LRRC41: variants seen among roughly 807,000 people sequenced by gnomAD.
LRRC41 encodes the protein leucine rich repeat containing 41.
LRRC41 carries 17 observed loss-of-function variants against 72.1 expected under a neutral mutation model. The observed-to-expected ratio is 0.24, with a 90% CI of 0.16 to 0.35. LRRC41 has a LOEUF of 0.35. LRRC41 is among the 10% of genes least tolerant of loss of function. LRRC41 has a pLI of 1.00. For synonymous variants in LRRC41, 427 were observed against 431.0 expected (o/e 0.99, Z 0.11); for missense variants, 759 against 1,065.0 (o/e 0.71, Z 4.00).
At chr1:46,281,426 G>A (rs753283269) in intron 4 of LRRC41, 41 bp from the exon 5 acceptor site, 4 of 1,592,914 alleles carry the variant, frequency 2.5e-6, no homozygotes, top group African/African-American at 1.3e-5. Flanking sequence ...ATGTGGGAGT[G>A]TCAGCAGGGG....
chr1:46,285,197 T>C lies in LRRC41; in HGVS notation c.1495+165A>G. 1.5e-6 allele frequency: 1 copy of C among 682,602 alleles called. No individual in the cohort carries two copies. The highest frequency in any genetic ancestry group is 2.6e-6 in the Non-Finnish European group (1 of 391,224). The allele number at this position is 682,602 out of a possible 1,614,324, so 42.3% of individuals were successfully genotyped here. ...ATCAAGTGTATAGACTTTATGTTCCTCTCTTCTAGCAATGACAGTCTCCCC... is the reference window on the plus strand; with the variant it reads ...ATCAAGTGTATAGACTTTATGTTCCCCTCTTCTAGCAATGACAGTCTCCCC... On this transcript the variant is annotated intron_variant, in intron 4 of 9. Coordinates refer to ENST00000617190, the MANE Select transcript of LRRC41 (RefSeq NM_006369.5). The surrounding 1 kb of genome is among the most constrained non-coding windows in gnomAD (Gnocchi z 5.3).
Position 46,285,988 on chromosome 1 carries a change from C to T in LRRC41, c.869G>A (p.Arg290His), listed in dbSNP as rs763153515. Reference sequence around the variant, plus strand: ...AGCACATCGCTCAGCAGCATCCCGGCGGGGCCGACGTGAGCCCAATAAGAG... The same window carrying T: ...AGCACATCGCTCAGCAGCATCCCGGTGGGGCCGACGTGAGCCCAATAAGAG... ...GSLLLGSRRP[R>H]RDAAERCAAA... is the part of the protein sequence containing the mutation. Residue 290 changes from arginine (R) to histidine (H), a missense_variant, in exon 4 of 10, where the codon CGC becomes CAC. Arg to His is a conservative substitution (Grantham distance 29). Coordinates refer to ENST00000617190, the MANE Select transcript of LRRC41 (RefSeq NM_006369.5). The surrounding 1 kb of genome is among the most constrained non-coding windows in gnomAD (Gnocchi z 5.3). 3 of 1,545,712 alleles carry T rather than the reference C, an allele frequency of 1.9e-6. No individual in the cohort carries two copies. The highest frequency in any genetic ancestry group is 1.4e-5 in the African/African-American group (1 of 72,912).
At chr1:46,297,803 T>C (rs1661153789) in intron 2 of LRRC41, among the ~76,000 whole-genome samples, 170 bp from the exon 3 acceptor site, 1 of 152,222 alleles carries the variant, frequency 6.6e-6, no homozygotes, top group South Asian at 2.1e-4. Context: ...ACACTCCAGC[T>C]ATGTGACTTT....
Position 46,278,033 on chromosome 1 carries a change from G to A in LRRC41, c.*832C>T, listed in dbSNP as rs1288515127. On this transcript the variant is annotated 3_prime_UTR_variant, in exon 10 of 10. Coordinates refer to ENST00000617190, the MANE Select transcript of LRRC41 (RefSeq NM_006369.5). ...TAAGCTACCCACACAGTAGGGAGATGGGATCTGTAGTGACTTCAGCTGTGC... is the reference window on the plus strand; with the variant it reads ...TAAGCTACCCACACAGTAGGGAGATAGGATCTGTAGTGACTTCAGCTGTGC... 1.2e-6 allele frequency: 2 copies of A among 1,614,096 alleles called. No individual in the cohort carries two copies. Among genetic ancestry groups the A allele is most frequent in the African/African-American group, 1.3e-5 (1 of 75,050 alleles).
chr1:46,285,584 CCTT>C lies in LRRC41; in HGVS notation c.1270_1272del (p.Lys424del), dbSNP rs752289585. 5.0e-6 allele frequency: 8 copies of C among 1,613,592 alleles called. No individual in the cohort carries two copies. The highest frequency in any genetic ancestry group is 2.2e-5 in the East Asian group (1 of 44,880). ...CCAATCTCCATCTCTTCGCCATCCT[CCTT>C]CTCGCCAGCCACAATAAAAACGAAG... On this transcript the variant is annotated inframe_deletion, in exon 4 of 10. Transcript: ENST00000617190. This position sits in a 1 kb window ranked among gnomAD's most constrained non-coding sequence, Gnocchi z 5.3.
rs756958095 is a variant in LRRC41 at position 46,286,053 on chromosome 1, C to A, written c.804G>T (p.Glu268Asp). The A allele has an allele frequency of 6.2e-7, 1 of 1,603,512 alleles. No individual in the cohort carries two copies. The highest frequency in any genetic ancestry group is 8.5e-7 in the Non-Finnish European group (1 of 1,173,070). Residue 268 changes from glutamate to aspartate, a missense_variant, in exon 4 of 10, where the codon GAG becomes GAT. Around this residue, in one of 4 missense-constraint regions of LRRC41, gnomAD observed 427 missense variants for 520.9 expected, o/e 0.82. Transcript: ENST00000617190. This position sits in a 1 kb window ranked among gnomAD's most constrained non-coding sequence, Gnocchi z 5.5. ...PGGPPCRLCG[E>D]ASRGRAPSRD... ...GGGATGGGGCCCGGCCTCGGGAGGC[C>A]TCTCCACAGAGGCGGCAGGGTGGGC...
At position 46,278,053 on chromosome 1, in the gene LRRC41, C is replaced by A. The variant is rs2148308522; in HGVS notation, c.*812G>T. On this transcript the variant is annotated 3_prime_UTR_variant, in exon 10 of 10. Coordinates refer to ENST00000617190, the MANE Select transcript of LRRC41 (RefSeq NM_006369.5). ...GAGATGGGATCTGTAGTGACTTCAG[C>A]TGTGCCTTCTGTCCCTAGGTTGCAC... 1 of 1,614,110 alleles carries A rather than the reference C, an allele frequency of 6.2e-7. No individual in the cohort carries two copies. Among genetic ancestry groups the A allele is most frequent in the Non-Finnish European group, 8.5e-7 (1 of 1,179,954 alleles).
At position 46,285,521 on chromosome 1, in the gene LRRC41, T is replaced by TG. The variant is rs780513962; in HGVS notation, c.1335dup (p.Ser446GlnfsTer58). The TG allele has an allele frequency of 6.2e-7, 1 of 1,614,122 alleles. No individual in the cohort carries two copies. Among genetic ancestry groups the TG allele is most frequent in the Non-Finnish European group, 8.5e-7 (1 of 1,180,022 alleles). On this transcript the variant is annotated frameshift_variant, in exon 4 of 10. Transcript: ENST00000617190. LOFTEE classifies it high-confidence loss of function. The surrounding 1 kb of genome is among the most constrained non-coding windows in gnomAD (Gnocchi z 5.3). Reference sequence around the variant, plus strand: ...TCCAGTGCTGGAAGCCCCAGGCAGCTGGGATCTGATCCATCCAAAGCTCCA... The same window carrying TG: ...TCCAGTGCTGGAAGCCCCAGGCAGCTGGGGATCTGATCCATCCAAAGCTCCA...
At position 46,285,314 on chromosome 1, in the gene LRRC41, T is replaced by G. The variant is rs1660862631; in HGVS notation, c.1495+48A>C. ...TCCCTAGAATTAGGCACACAGCTGG[T>G]GCTGCTAGGCAATCTAAGCCCAATC... On this transcript the variant is annotated intron_variant, in intron 4 of 9. Coordinates refer to ENST00000617190, the MANE Select transcript of LRRC41 (RefSeq NM_006369.5). The surrounding 1 kb of genome is among the most constrained non-coding windows in gnomAD (Gnocchi z 5.3). 1 of 1,593,426 alleles carries G rather than the reference T, an allele frequency of 6.3e-7. No homozygotes were observed. The highest frequency in any genetic ancestry group is 8.6e-7 in the Non-Finnish European group (1 of 1,167,984).
rs376937627 is a variant in LRRC41 at position 46,281,314 on chromosome 1, G to A, written c.1567C>T (p.Arg523Cys). ...AACAGGTCACTGAGATGCAGGGCACGGAGGCGACATCCAGCCTGGCCTGAC... is the reference window on the plus strand; with the variant it reads ...AACAGGTCACTGAGATGCAGGGCACAGAGGCGACATCCAGCCTGGCCTGAC... ...ALSGQAGCRL[R>C]ALHLSDLFSP... Residue 523 changes from arginine to cysteine, a missense_variant, in exon 5 of 10, where the codon CGT becomes TGT. This residue lies in a region of LRRC41 where 427 missense variants were observed against 520.9 expected (regional missense o/e 0.82). Coordinates refer to ENST00000617190, the MANE Select transcript of LRRC41 (RefSeq NM_006369.5). The A allele has an allele frequency of 6.8e-6, 11 of 1,614,220 alleles. No homozygotes were observed. The highest frequency in any genetic ancestry group is 4.5e-5 in the East Asian group (2 of 44,888).
At chr1:46,296,050 A>G (rs922771176) in intron 3 of LRRC41, among the ~76,000 whole-genome samples, 7 of 152,112 alleles carry the variant, frequency 4.6e-5, no homozygotes, top group Non-Finnish European at 8.8e-5. Flanking sequence ...TTCTCTCTCA[A>G]CCTTCTTACT....
At chr1:46,283,384 C>T (rs571031767) in intron 4 of LRRC41, among the ~76,000 whole-genome samples, 3 of 152,216 alleles carry the variant, frequency 2.0e-5, no homozygotes, top group African/African-American at 4.8e-5. Context: ...TGTAGGAGGC[C>T]GAGGTTGGTG....
chr1:46,283,811 GCCCA>G (rs1557713757), intron 4 of LRRC41, among the ~76,000 whole-genome samples: 2 of 151,628 alleles, frequency 1.3e-5, no homozygotes, highest in African/African-American at 4.8e-5. Context: ...GATTACAGGC[GCCCA>G]CCATCACGCC....
Position 46,303,168 on chromosome 1 carries a change from C to T in LRRC41, c.155G>A (p.Arg52Gln), listed in dbSNP as rs1327637610. ...APPALFELCG[R>Q]AVSAHMGVLE... ...AACCCCCATATGGGCGCTCACCGCCCGCCCGCACAGCTCGAACAGGGCGGG... is the reference window on the plus strand; with the variant it reads ...AACCCCCATATGGGCGCTCACCGCCTGCCCGCACAGCTCGAACAGGGCGGG... Residue 52 changes from arginine (R) to glutamine (Q), a missense_variant, in exon 1 of 10, where the codon CGG becomes CAG. Arg to Gln is a conservative substitution (Grantham distance 43). This residue lies in a region of LRRC41 where 116 missense variants were observed against 250.9 expected (regional missense o/e 0.46). Transcript: ENST00000617190. 2.6e-6 allele frequency: 4 copies of T among 1,555,848 alleles called. No individual in the cohort carries two copies. Among genetic ancestry groups the T allele is most frequent in the East Asian group, 2.4e-5 (1 of 42,442 alleles).
intron 3 of LRRC41, among the ~76,000 whole-genome samples, chr1:46,295,445 T>C (rs552750938): frequency 6.6e-4 from 100 of 152,348 alleles, no homozygotes; most frequent in African/African-American, 2.4e-3. Flanking sequence ...TTGTTCACCA[T>C]TGTATCCCTG....
Position 46,278,750 on chromosome 1 carries a change from AAAAAAGGTGAC to A in LRRC41, c.*104_*114del. The A allele has an allele frequency of 9.3e-7, 1 of 1,073,562 alleles. No individual in the cohort carries two copies. Among genetic ancestry groups the A allele is most frequent in the Non-Finnish European group, 1.4e-6 (1 of 736,276 alleles). The allele number at this position is 1,073,562 out of a possible 1,614,324, so 66.5% of individuals were successfully genotyped here. A position where few individuals can be genotyped will look rare whatever the true frequency, so the allele number is the denominator to read the frequency against. On this transcript the variant is annotated 3_prime_UTR_variant, in exon 10 of 10. Transcript: ENST00000617190. ...GTGCAAGGGAAGAAGGAAAAAAGAG[AAAAAAGGTGAC>A]AGAAAGAGAAAGATAGAACTGGTGG...
Position 46,281,202 on chromosome 1 carries a change from G to C in LRRC41, c.1679C>G (p.Pro560Arg), listed in dbSNP as rs140475848. ...LRVLSIRVDHPSQRDNPGVPG... is the reference protein window; with the variant it reads ...LRVLSIRVDHRSQRDNPGVPG... ...CACACCAGGGTTGTCCCGCTGGCTTGGGTGGTCAACACGAATAGAGAGGAC... is the reference window on the plus strand; with the variant it reads ...CACACCAGGGTTGTCCCGCTGGCTTCGGTGGTCAACACGAATAGAGAGGAC... Residue 560 changes from proline (P) to arginine (R), a missense_variant, in exon 5 of 10, where the codon CCA (proline) becomes CGA (arginine). Pro to Arg is a moderately radical substitution (Grantham distance 103). Coordinates refer to ENST00000617190, the MANE Select transcript of LRRC41 (RefSeq NM_006369.5). 2.4e-4 allele frequency: 384 copies of C among 1,614,076 alleles called. No homozygotes were observed. Among genetic ancestry groups the C allele is most frequent in the Non-Finnish European group, 3.1e-4 (360 of 1,180,036 alleles).
chr1:46,300,136 T>A (rs1661194607), intron 1 of LRRC41: 1 of 152,076 alleles, frequency 6.6e-6, no homozygotes. Context: ...GAGACTAGCC[T>A]GGGCAACATG....
rs28363250 is a variant in LRRC41 at position 46,279,378 on chromosome 1, T to A, written c.2143+114A>T. 3 of 1,585,632 alleles carry A rather than the reference T, an allele frequency of 1.9e-6. No homozygotes were observed. The highest frequency in any genetic ancestry group is 2.6e-6 in the Non-Finnish European group (3 of 1,154,552). On this transcript the variant is annotated intron_variant, in intron 8 of 9. Transcript: ENST00000617190. This position sits in a 1 kb window ranked among gnomAD's most constrained non-coding sequence, Gnocchi z 4.5. Reference sequence around the variant, plus strand: ...TTCCTGAAGCCCCAGCACAGAAATATCTGTATTCCAACTCCCACGTTCCCA... The same window carrying A: ...TTCCTGAAGCCCCAGCACAGAAATAACTGTATTCCAACTCCCACGTTCCCA...
Sources: gnomAD v4.1 joint callset for allele counts (sites outside exome capture counted in the v4.1 genomes callset) on GRCh38, gnomAD v4.1.1 for gene constraint, gnomAD v4.1.1 regional missense constraint, Gnocchi (gnomAD v3.1) non-coding constraint, MANE v1.5 for transcripts, NCBI Gene and HGNC (gene_info 2026-07-23, HGNC 2026-07-21) for gene names.